The following CCDC7 variants were observed in gnomAD, a reference collection of about 807,000 sequenced individuals.
CCDC7 encodes the protein coiled-coil domain containing 7.
Under a neutral mutation model 196.9 loss-of-function variants are expected in CCDC7, and 183 were observed. That is an observed-to-expected ratio of 0.93 (90% confidence interval 0.82 to 1.05). The LOEUF is 1.05. Ranked by LOEUF, CCDC7 falls within the 50% of genes least tolerant of loss-of-function variation. The pLI is 0.00. For synonymous variants in CCDC7, 525 were observed against 484.6 expected (o/e 1.08, Z -1.10); for missense variants, 1,540 against 1,482.2 (o/e 1.04, Z -0.64).
At chr10:32,571,184 T>A (rs1290054575) in intron 15 of CCDC7, among the ~76,000 whole-genome samples, 1 of 151,964 alleles carries the variant, frequency 6.6e-6, no homozygotes. Flanking sequence ...AATTTTTGTA[T>A]GTTTAGTAGA....
intron 35 of CCDC7, 80 bp from the exon 37 acceptor site, chr10:32,845,794 CAT>C (rs1491037690): frequency 8.5e-5 from 97 of 1,144,576 alleles, no homozygotes; most frequent in Middle Eastern, 2.8e-4. Flanking sequence ...CACACACACA[CAT>C]ACACACACAC....
upstream of CCDC7, among the ~76,000 whole-genome samples, chr10:32,445,942 G>A (rs938417723): frequency 3.3e-5 from 5 of 152,218 alleles, no homozygotes; most frequent in African/African-American, 1.2e-4. Flanking sequence ...CTCAGGGGGC[G>A]TCCTGGAATT....
chr10:32,852,668 C>A (rs894512162), intron 40 of CCDC7, among the ~76,000 whole-genome samples: 2 of 151,910 alleles, frequency 1.3e-5, no homozygotes, highest in Admixed American at 6.6e-5. Context: ...AAATAAATAT[C>A]CATGGCACTT....
chr10:32,679,257 GA>G (rs1160301007), intron 21 of CCDC7, among the ~76,000 whole-genome samples: 1 of 152,110 alleles, frequency 6.6e-6, no homozygotes, highest in African/African-American at 2.4e-5. Context: ...AGGTATTTCT[GA>G]AAATGACAGG....
exon 7 of CCDC7, chr10:32,472,505 A>C: frequency 2.5e-6 from 4 of 1,588,972 alleles, no homozygotes; most frequent in Non-Finnish European, 3.4e-6. Context: ...GACCAGAAGC[A>C]GTGAAAAGTT....
At chr10:32,585,778 T>C (rs540345679) in intron 18 of CCDC7, among the ~76,000 whole-genome samples, 1 of 152,364 alleles carries the variant, frequency 6.6e-6, no homozygotes, top group East Asian at 1.9e-4. Flanking sequence ...CTATCATTGA[T>C]GGGCATTTGG....
chr10:32,574,828 G>A (rs923915222), intron 16 of CCDC7, among the ~76,000 whole-genome samples: 3 of 152,122 alleles, frequency 2.0e-5, no homozygotes, highest in Non-Finnish European at 4.4e-5. Flanking sequence ...TATCAAGCAC[G>A]AAAACATACA....
At chr10:32,650,917 C>T (rs1401366825) in intron 20 of CCDC7, among the ~76,000 whole-genome samples, 1 of 152,144 alleles carries the variant, frequency 6.6e-6, no homozygotes, top group East Asian at 1.9e-4. Context: ...AGGGAAGGTT[C>T]CTGGGAGGGG....
chr10:32,565,072 T>C (rs758579286), intron 13 of CCDC7, among the ~76,000 whole-genome samples: 5 of 152,232 alleles, frequency 3.3e-5, no homozygotes, highest in Non-Finnish European at 5.9e-5. Context: ...ATGGTTGTTA[T>C]GTGTGGCAGC....
chr10:32,805,438 G>A (rs1023978670), intron 30 of CCDC7, among the ~76,000 whole-genome samples: 1 of 152,096 alleles, frequency 6.6e-6, no homozygotes, highest in African/African-American at 2.4e-5. Context: ...TTGCAAAAGC[G>A]GAAAGGCTAT....
intron 28 of CCDC7, among the ~76,000 whole-genome samples, chr10:32,733,647 T>C (rs1459922030): frequency 6.6e-6 from 1 of 151,424 alleles, no homozygotes; most frequent in Non-Finnish European, 1.5e-5. Flanking sequence ...GTTCTTACTT[T>C]TTTCATTGAG....
At chr10:32,550,700 T>A (rs1054011033) in intron 13 of CCDC7, among the ~76,000 whole-genome samples, 29 of 152,182 alleles carry the variant, frequency 1.9e-4, no homozygotes, top group Non-Finnish European at 8.8e-5. Flanking sequence ...TGTATCACAT[T>A]TATTGACTTG....
chr10:32,592,818 C>G (rs2059910920), intron 18 of CCDC7, among the ~76,000 whole-genome samples: 2 of 152,222 alleles, frequency 1.3e-5, no homozygotes, highest in South Asian at 2.1e-4. Context: ...TCTGTCCTTG[C>G]AATAGTTTGC....
chr10:32,481,441 G>C (rs1001815178), intron 8 of CCDC7, among the ~76,000 whole-genome samples: 3 of 151,958 alleles, frequency 2.0e-5, no homozygotes, highest in Middle Eastern at 3.4e-3. Flanking sequence ...TCCCCTCTAA[G>C]CATTTTATGT....
intron 18 of CCDC7, among the ~76,000 whole-genome samples, chr10:32,633,682 G>GTATATATATATA (rs139788574): frequency 1.2e-3 from 140 of 121,734 alleles, no homozygotes; most frequent in Non-Finnish European, 1.8e-3. Flanking sequence ...TTAGCTTTGT[G>GTATATATATATA]TATATATATA....
At chr10:32,766,643 A>AT (rs545609403) in intron 28 of CCDC7, among the ~76,000 whole-genome samples, 22 of 152,206 alleles carry the variant, frequency 1.4e-4, no homozygotes, top group African/African-American at 5.1e-4. Context: ...ACCATGGACC[A>AT]CCAAGTTGCC....
At chr10:32,645,870 C>T (rs1293966893) in intron 20 of CCDC7, among the ~76,000 whole-genome samples, 1 of 152,066 alleles carries the variant, frequency 6.6e-6, no homozygotes, top group Non-Finnish European at 1.5e-5. Context: ...ATTTCTGTGG[C>T]ATCAGCTGCA....
At chr10:32,707,791 A>G (rs199647498) in intron 24 of CCDC7, among the ~76,000 whole-genome samples, 1 of 152,176 alleles carries the variant, frequency 6.6e-6, no homozygotes. Flanking sequence ...TTCAAGGAGA[A>G]CTACAAACCA....
rs559204337 is a variant in CCDC7 at position 32,626,423 on chromosome 10, T to C, written c.1802-7831T>C. On this transcript the variant is annotated intron_variant, in intron 18 of 41. Coordinates refer to ENST00000639629, the Ensembl canonical transcript of CCDC7. ...TTTTTAAATTGGGTTTTCTATTTTCTTGCTGTTGAATTTAGTTCCTTATAT... is the reference window on the plus strand; with the variant it reads ...TTTTTAAATTGGGTTTTCTATTTTCCTGCTGTTGAATTTAGTTCCTTATAT... 9.2e-5 allele frequency among the ~76,000 whole-genome samples: 14 copies of C among 152,172 alleles called. No homozygotes were observed. In the East Asian group the frequency reaches 2.5e-3, roughly 27 times the overall value.
Sources: gnomAD v4.1 joint callset for allele counts (sites outside exome capture counted in the v4.1 genomes callset) on GRCh38, gnomAD v4.1.1 for gene constraint, MANE v1.5 for transcripts, NCBI Gene and HGNC (gene_info 2026-07-23, HGNC 2026-07-21) for gene names.